Variants in GABBR2 observed in about 807,000 individuals in gnomAD.
GABBR2 encodes G-protein coupled receptor 51.
GABBR2 carries 23 observed loss-of-function variants against 105.6 expected under a neutral mutation model. The observed-to-expected ratio is 0.22, with a 90% confidence interval of 0.16 to 0.31. The LOEUF (loss-of-function observed/expected upper bound fraction) is 0.31. Among genes scored for constraint, GABBR2 ranks in the 10% least tolerant of loss-of-function variants. GABBR2 has a pLI of 1.00. For missense variants in GABBR2, 734 were observed against 1,245.5 expected, an observed-to-expected ratio of 0.59 and a Z score of 6.18; for synonymous variants, 478 against 499.7, an observed-to-expected ratio of 0.96 and a Z score of 0.58.
rs148799060 is a variant in GABBR2, at chr9:98,388,556, C to T, written c.1529+298G>A. ...AGAAGGCCCGTGGACTTGGACTCTTCGATTTTATTTAACTTCCTCAAACTT... is the reference window on the plus strand; with the variant it reads ...AGAAGGCCCGTGGACTTGGACTCTTTGATTTTATTTAACTTCCTCAAACTT... On this transcript the variant is annotated intron_variant, in intron 10 of 18. Coordinates refer to ENST00000259455, the MANE Select transcript of GABBR2 (RefSeq NM_005458.8). The surrounding 1 kb of genome is among the most constrained non-coding windows in gnomAD (Gnocchi z 4.4). Among the ~76,000 whole-genome samples, 3 of 151,482 alleles carry T rather than the reference C, an allele frequency of 2.0e-5. No individual in the cohort carries two copies. The highest frequency in any genetic ancestry group is 2.1e-4 in the South Asian group (1 of 4,786).
At chr9:98,323,418 G>C (rs1009178048) in intron 13 of GABBR2, among the ~76,000 whole-genome samples, 1 of 152,246 alleles carries the variant, frequency 6.6e-6, no homozygotes, top group South Asian at 2.1e-4. Flanking sequence ...GCTGGCAAGG[G>C]CAGCCCTCTT....
At chr9:98,355,063 T>C (rs1392648045) in intron 13 of GABBR2, among the ~76,000 whole-genome samples, 1 of 151,982 alleles carries the variant, frequency 6.6e-6, no homozygotes. Context: ...CAATATTGTG[T>C]CTTAGAGAAT....
At chr9:98,650,519 A>G (rs1830090046) in intron 1 of GABBR2, among the ~76,000 whole-genome samples, 1 of 152,252 alleles carries the variant, frequency 6.6e-6, no homozygotes, top group Non-Finnish European at 1.5e-5. Flanking sequence ...GGGACACTAC[A>G]GGACAAATGA....
chr9:98,696,109 G>A (rs1269061063), intron 1 of GABBR2, among the ~76,000 whole-genome samples: 5 of 152,234 alleles, frequency 3.3e-5, no homozygotes, highest in Admixed American at 6.5e-5. Context: ...ATAAGCAGTA[G>A]AAAGGAAAGT....
chr9:98,551,400 CTT>C (rs1235564895), intron 2 of GABBR2, among the ~76,000 whole-genome samples: 1 of 152,278 alleles, frequency 6.6e-6, no homozygotes, highest in Admixed American at 6.5e-5. Flanking sequence ...CAGAGCAAGA[CTT>C]TGTCTCAACC....
At chr9:98,511,243 C>A (rs910181841) in intron 3 of GABBR2, among the ~76,000 whole-genome samples, 6 of 149,894 alleles carry the variant, frequency 4.0e-5, no homozygotes, top group Non-Finnish European at 7.4e-5. Flanking sequence ...ATCTCTGGGA[C>A]ACATTCAAAG....
chr9:98,691,863 A>G (rs1271402535), intron 1 of GABBR2, among the ~76,000 whole-genome samples: 2 of 152,114 alleles, frequency 1.3e-5, no homozygotes, highest in Non-Finnish European at 2.9e-5. Flanking sequence ...TGAGAATTCA[A>G]TTCACCACCT....
At chr9:98,624,571 G>T in intron 1 of GABBR2, among the ~76,000 whole-genome samples, 1 of 152,234 alleles carries the variant, frequency 6.6e-6, no homozygotes, top group East Asian at 1.9e-4. Flanking sequence ...AGAGTAGGGA[G>T]GAAGAGAGTC....
chr9:98,604,897 C>T (rs1306247879), intron 1 of GABBR2, among the ~76,000 whole-genome samples: 1 of 152,226 alleles, frequency 6.6e-6, no homozygotes, highest in Non-Finnish European at 1.5e-5. Context: ...CCCCTCATCT[C>T]CCAGGAGTCA....
At chr9:98,606,711 C>A in intron 1 of GABBR2, 1 of 229,220 alleles carries the variant, frequency 4.4e-6, no homozygotes, top group South Asian at 6.2e-5. Context: ...AACTCCTGAC[C>A]TCAAGTGATC....
At chr9:98,393,789 G>A (rs1186734152) in intron 9 of GABBR2, among the ~76,000 whole-genome samples, 1 of 152,206 alleles carries the variant, frequency 6.6e-6, no homozygotes, top group Non-Finnish European at 1.5e-5. Context: ...AAGCTGAAGA[G>A]GAGTTCTCTA....
At chr9:98,551,469 G>A (rs550243492) in intron 2 of GABBR2, among the ~76,000 whole-genome samples, 1 of 152,266 alleles carries the variant, frequency 6.6e-6, no homozygotes, top group Non-Finnish European at 1.5e-5. Flanking sequence ...TAGAAATTAT[G>A]ATCCATTTTA....
At chr9:98,460,772 TAC>T (rs1329006986) in intron 6 of GABBR2, among the ~76,000 whole-genome samples, 2 of 152,174 alleles carry the variant, frequency 1.3e-5, no homozygotes, top group Non-Finnish European at 2.9e-5. Context: ...CACACATCAA[TAC>T]ACAGATTCAT....
At chr9:98,660,811 C>G (rs1360014688) in intron 1 of GABBR2, among the ~76,000 whole-genome samples, 2 of 152,208 alleles carry the variant, frequency 1.3e-5, no homozygotes, top group Non-Finnish European at 2.9e-5. Flanking sequence ...GCCCGTGTCT[C>G]CTACTACTCA....
chr9:98,336,452 TC>T (rs1831116878), intron 13 of GABBR2, among the ~76,000 whole-genome samples: 1 of 152,218 alleles, frequency 6.6e-6, no homozygotes. Flanking sequence ...ATGCCTATAA[TC>T]CCAGCACTTT....
rs34647195 is a variant in GABBR2, at chr9:98,438,172, TATCCATCCATCCATCCATCCATCCATCC to T, written c.1236+15781_1236+15808del. 1.2e-3 allele frequency among the ~76,000 whole-genome samples: 179 copies of T among 143,826 alleles called. 1 individual carries two copies. Among genetic ancestry groups the T allele is most frequent in the African/African-American group, 4.7e-3 (173 of 36,832 alleles). 94.4% of individuals were successfully genotyped at this position (143,826 alleles called of 152,430 possible). ...ATCCCTCCATCTATATCCATCTACCTATCCATCCATCCATCCATCCATCCATCCATCCATCCATCCATCCATCTATATC... is the reference window on the plus strand; with the variant it reads ...ATCCCTCCATCTATATCCATCTACCTATCCATCCATCCATCCATCTATATC... On this transcript the variant is annotated intron_variant, in intron 7 of 18. Transcript: ENST00000259455.
At chr9:98,545,931 C>A (rs1195996998) in intron 2 of GABBR2, among the ~76,000 whole-genome samples, 6 of 152,180 alleles carry the variant, frequency 3.9e-5, no homozygotes, top group Non-Finnish European at 7.3e-5. Flanking sequence ...TTTCTGAGCT[C>A]TCCTGCCTTG....
At chr9:98,411,537 T>C (rs1164959048) in intron 7 of GABBR2, among the ~76,000 whole-genome samples, 1 of 150,952 alleles carries the variant, frequency 6.6e-6, no homozygotes, top group Non-Finnish European at 1.5e-5. Flanking sequence ...GTTATTGTAA[T>C]GCCTTGAGTT....
chr9:98,340,211 A>G (rs954038471), intron 13 of GABBR2, among the ~76,000 whole-genome samples: 6 of 151,318 alleles, frequency 4.0e-5, no homozygotes, highest in African/African-American at 9.7e-5. Flanking sequence ...TTACTACAGC[A>G]AAACCTAGCA....
Sources: allele counts gnomAD v4.1 joint callset (sites outside exome capture counted in the v4.1 genomes callset), GRCh38; gene constraint gnomAD v4.1.1; non-coding constraint Gnocchi (gnomAD v3.1); transcripts MANE v1.5; gene names NCBI Gene and HGNC (gene_info 2026-07-23, HGNC 2026-07-21).